NR5A2: variants seen among roughly 807,000 people sequenced by gnomAD.
NR5A2 encodes the protein nuclear receptor subfamily 5 group A member 2, also known as CYP7A promoter-binding factor.
A neutral mutation model predicts 62.7 loss-of-function variants in NR5A2; 26 were observed. The observed-to-expected ratio is 0.41, with a 90% confidence interval of 0.30 to 0.58. The LOEUF is 0.58. Among genes scored for constraint, NR5A2 ranks in the 20% least tolerant of loss-of-function variants. NR5A2 has a pLI of 0.22. For missense variants in NR5A2, 541 were observed against 669.1 expected (o/e 0.81, Z 2.11); for synonymous variants, 246 against 241.7 (o/e 1.02, Z -0.16).
intron 5 of NR5A2, among the ~76,000 whole-genome samples, chr1:200,098,135 C>T (rs1029903112): frequency 3.9e-5 from 6 of 152,036 alleles, no homozygotes; most frequent in Admixed American, 1.3e-4. Flanking sequence ...TCCACCCTGC[C>T]GAGCTGTAAG....
intron 5 of NR5A2, among the ~76,000 whole-genome samples, chr1:200,049,943 T>C (rs1662548247): frequency 6.6e-6 from 1 of 152,258 alleles, no homozygotes; most frequent in East Asian, 1.9e-4. Context: ...CTGTTCTTTG[T>C]ACATGGAAGC....
At chr1:200,046,801 T>C (rs1443401941) in intron 4 of NR5A2, among the ~76,000 whole-genome samples, 1 of 152,228 alleles carries the variant, frequency 6.6e-6, no homozygotes, top group Non-Finnish European at 1.5e-5. Context: ...TGATTTTGCA[T>C]GATGTCATTT....
intron 6 of NR5A2, among the ~76,000 whole-genome samples, chr1:200,112,776 A>C (rs1330672640): frequency 6.6e-6 from 1 of 152,170 alleles, no homozygotes; most frequent in East Asian, 1.9e-4. Context: ...GTCTTTGGAG[A>C]AAATGTACCC....
chr1:200,064,228 C>A (rs1663368996), intron 5 of NR5A2, among the ~76,000 whole-genome samples: 1 of 151,990 alleles, frequency 6.6e-6, no homozygotes, highest in African/African-American at 2.4e-5. Flanking sequence ...TAAAGTAGAA[C>A]CCCTCCTGAC....
intron 7 of NR5A2, among the ~76,000 whole-genome samples, chr1:200,143,339 C>T (rs958402098): frequency 2.0e-5 from 3 of 152,096 alleles, no homozygotes; most frequent in African/African-American, 7.2e-5. Flanking sequence ...ACTCCCAGTC[C>T]GGGGATATAT....
chr1:200,127,781 A>G (rs544427948), intron 7 of NR5A2, among the ~76,000 whole-genome samples: 1 of 142,836 alleles, frequency 7.0e-6, no homozygotes, highest in East Asian at 2.1e-4. Context: ...GACTTTTCAG[A>G]TCTGAAGGTT....
intron 7 of NR5A2, chr1:200,148,167 T>C: frequency 2.7e-6 from 1 of 365,980 alleles, no homozygotes; most frequent in South Asian, 8.7e-5. Context: ...GAAGACCAGA[T>C]TGTAGTGGAC....
intron 7 of NR5A2, among the ~76,000 whole-genome samples, chr1:200,166,280 A>G (rs1222326191): frequency 1.3e-5 from 2 of 152,156 alleles, no homozygotes. Context: ...GCACCTGTAC[A>G]ATACAATTGG....
At chr1:200,054,383 T>C (rs1217943097) in intron 5 of NR5A2, among the ~76,000 whole-genome samples, 5 of 152,126 alleles carry the variant, frequency 3.3e-5, no homozygotes, top group Non-Finnish European at 7.3e-5. Context: ...CACCTGTGTC[T>C]TGAATATCTC....
At chr1:200,120,990 A>G (rs1283884586) in intron 7 of NR5A2, 35 bp downstream of exon 7, 2 of 1,610,974 alleles carry the variant, frequency 1.2e-6, no homozygotes, top group Non-Finnish European at 1.7e-6. Context: ...TGCTCAACCA[A>G]CGATTGCTAA....
intron 7 of NR5A2, among the ~76,000 whole-genome samples, chr1:200,127,732 G>A (rs1202468731): frequency 1.1e-4 from 8 of 71,842 alleles, no homozygotes; most frequent in South Asian, 5.7e-4. Flanking sequence ...ATATATATAT[G>A]GTATCCATCA....
intron 5 of NR5A2, among the ~76,000 whole-genome samples, chr1:200,061,820 C>A (rs543676638): frequency 6.6e-6 from 1 of 152,302 alleles, no homozygotes; most frequent in East Asian, 1.9e-4. Context: ...TTATTAAATT[C>A]TATAACAGAA....
intron 7 of NR5A2, among the ~76,000 whole-genome samples, chr1:200,145,514 G>A (rs2737627): frequency 0.26 from 37,747 of 145,142 alleles, 5,175 homozygotes; most frequent in Admixed American, 0.33. Flanking sequence ...GTGTGTGTGT[G>A]TTATAAAGGT....
chr1:200,146,993 A>G (rs1384224617), intron 7 of NR5A2, among the ~76,000 whole-genome samples: 1 of 141,238 alleles, frequency 7.1e-6, no homozygotes, highest in Admixed American at 7.0e-5. Flanking sequence ...CTTTGTTTTT[A>G]TTCACTGAAA....
chr1:200,050,831 G>A (rs950858125), intron 5 of NR5A2, among the ~76,000 whole-genome samples: 3 of 152,246 alleles, frequency 2.0e-5, no homozygotes, highest in African/African-American at 7.2e-5. Context: ...GGCGGAGGTT[G>A]CGGTGAGCCG....
chr1:200,147,545 G>C lies in NR5A2; in HGVS notation c.1379-26418G>C. On this transcript the variant is annotated intron_variant, in intron 7 of 7. Transcript: ENST00000367362. This position sits in a 1 kb window ranked among gnomAD's most constrained non-coding sequence, Gnocchi z 4.9. ...TTTTGCTGTTTCTGTGATTTCCTTGGTTTCTCCATTGGTGTGCTTAAAGCG... is the reference window on the plus strand; with the variant it reads ...TTTTGCTGTTTCTGTGATTTCCTTGCTTTCTCCATTGGTGTGCTTAAAGCG... 1 of 689,294 alleles carries C rather than the reference G, an allele frequency of 1.5e-6. No individual in the cohort carries two copies. Among genetic ancestry groups the C allele is most frequent in the South Asian group, 1.4e-5 (1 of 74,064 alleles). The allele number at this position is 689,294 out of a possible 1,614,324, so 42.7% of individuals were successfully genotyped here.
intron 7 of NR5A2, among the ~76,000 whole-genome samples, chr1:200,122,950 T>C (rs1666542850): frequency 6.6e-6 from 1 of 152,234 alleles, no homozygotes; most frequent in Non-Finnish European, 1.5e-5. Context: ...TTTTTGAATT[T>C]CACCTTTATT....
At chr1:200,115,958 T>G (rs1428832508) in intron 6 of NR5A2, among the ~76,000 whole-genome samples, 1 of 151,908 alleles carries the variant, frequency 6.6e-6, no homozygotes, top group Non-Finnish European at 1.5e-5. Flanking sequence ...ACTCGCCACC[T>G]TTTTCAGCCT....
In NR5A2 at chr1:200,147,400, G is replaced by A. The variant is rs1232425424; in HGVS notation, c.1378+26445G>A. ...CCTTAGTTCCTCTCGGAGTCTGTATGGGTCTGGGCGAGATGCAGGCAGCTT... is the reference window on the plus strand; with the variant it reads ...CCTTAGTTCCTCTCGGAGTCTGTATAGGTCTGGGCGAGATGCAGGCAGCTT... On this transcript the variant is annotated intron_variant, in intron 7 of 7. Transcript: ENST00000367362. This position sits in a 1 kb window ranked among gnomAD's most constrained non-coding sequence, Gnocchi z 4.9. The A allele has an allele frequency of 2.4e-6, 1 of 419,682 alleles. No homozygotes were observed. Among genetic ancestry groups the A allele is most frequent in the African/African-American group, 2.0e-5 (1 of 49,060 alleles). The allele number at this position is 419,682 out of a possible 1,614,324, so 26.0% of individuals were successfully genotyped here.
Sources: allele counts gnomAD v4.1 joint callset (sites outside exome capture counted in the v4.1 genomes callset), GRCh38; gene constraint gnomAD v4.1.1; non-coding constraint Gnocchi (gnomAD v3.1); transcripts MANE v1.5; gene names NCBI Gene and HGNC (gene_info 2026-07-23, HGNC 2026-07-21).